Variants in NOTCH1 observed in about 807,000 individuals in gnomAD.
The protein encoded by NOTCH1 is notch receptor 1.
Under a neutral mutation model 254.8 loss-of-function variants are expected in NOTCH1, and 37 were observed. The observed-to-expected ratio is 0.15, with a 90% confidence interval of 0.11 to 0.19. The LOEUF (loss-of-function observed/expected upper bound fraction) is 0.19, where lower values mean the gene tolerates loss of function less well. Among genes scored for constraint, NOTCH1 ranks in the 10% least tolerant of loss-of-function variants. The pLI is 1.00. For missense variants in NOTCH1, 2,972 were observed against 3,708.6 expected, an observed-to-expected ratio of 0.80 and a Z score of 5.16; for synonymous variants, 1,731 against 1,618.1, an observed-to-expected ratio of 1.07 and a Z score of -1.68.
chr9:136,533,741 A>G (rs2133392131), intron 2 of NOTCH1, among the ~76,000 whole-genome samples: 1 of 152,352 alleles, frequency 6.6e-6, no homozygotes, highest in South Asian at 2.1e-4. Context: ...CTCGGTGACC[A>G]TGGGCCTACA....
In NOTCH1 at chr9:136,513,407, G is replaced by T. The variant is rs756642176; in HGVS notation, c.2338C>A (p.Arg780=). 5 of 1,612,756 alleles carry T rather than the reference G, an allele frequency of 3.1e-6. No homozygotes were observed. Among genetic ancestry groups the T allele is most frequent in the Admixed American group, 3.3e-5 (2 of 59,996 alleles). Residue 780 remains arginine (R), a synonymous_variant, in exon 14 of 34, where the codon CGG becomes AGG. Coordinates refer to ENST00000651671, the MANE Select transcript of NOTCH1 (RefSeq NM_017617.5). This position sits in a 1 kb window ranked among gnomAD's most constrained non-coding sequence, Gnocchi z 4.7. ...GCCCACTCACCGCTGAAGCCCTCCC[G>T]GCAGGTGCACACGTAGCCACTGGTC... The part of the protein sequence containing the change: ...DMTSGYVCTC[R]EGFSGPNCQT...
rs116316039 is a variant in NOTCH1 at position 136,502,430 on chromosome 9, G to A, written c.5226C>T (p.Ala1742=). The part of the protein sequence containing the change: ...AQLHFMYVAA[A]AFVLLFFVGC... ...CCACGAAGAACAGAAGCACAAAGGCGGCCGCCGCCACGTACATGAAGTGCA... is the reference window on the plus strand; with the variant it reads ...CCACGAAGAACAGAAGCACAAAGGCAGCCGCCGCCACGTACATGAAGTGCA... Residue 1742 remains alanine (A), a synonymous_variant, in exon 28 of 34, where the codon GCC becomes GCT. Transcript: ENST00000651671. 6.3e-4 allele frequency: 1,011 copies of A among 1,608,840 alleles called. 4 individuals are homozygous for A. The African/African-American group carries it at 0.011, about 18-fold the overall frequency.
intron 2 of NOTCH1, among the ~76,000 whole-genome samples, chr9:136,531,685 T>C (rs1843562870): frequency 6.6e-6 from 1 of 151,932 alleles, no homozygotes. Context: ...TCGGCACTGG[T>C]GAAAGAGGGA....
At position 136,513,686 on chromosome 9, in the gene NOTCH1, C is replaced by T. The variant is rs890139765; in HGVS notation, c.2208-149G>A. ...TCCTTTAGTGGGGGCAGGCTGGGCG[C>T]TGTGGCTCACACCTGTAATCCCAGC... On this transcript the variant is annotated intron_variant, in intron 13 of 33. Coordinates refer to ENST00000651671, the MANE Select transcript of NOTCH1 (RefSeq NM_017617.5). The surrounding 1 kb of genome is among the most constrained non-coding windows in gnomAD (Gnocchi z 4.7). 1 of 833,950 alleles carries T rather than the reference C, an allele frequency of 1.2e-6. No homozygotes were observed. The highest frequency in any genetic ancestry group is 2.1e-5 in the Admixed American group (1 of 47,532). The allele number at this position is 833,950 out of a possible 1,614,324, so 51.7% of individuals were successfully genotyped here. A position where few individuals can be genotyped will look rare whatever the true frequency, so the allele number is the denominator to read the frequency against.
In NOTCH1 at chr9:136,518,832, G is replaced by C. The variant is rs2133371734; in HGVS notation, c.866-8C>G. Reference sequence around the variant, plus strand: ...CCTCGGTACAGTACTGACCTGCAGGGAACAGGAGCTGTCGGCCCCGGGCAG... The same window carrying C: ...CCTCGGTACAGTACTGACCTGCAGGCAACAGGAGCTGTCGGCCCCGGGCAG... On this transcript the variant is annotated splice_region_variant and splice_polypyrimidine_tract_variant and intron_variant, in intron 5 of 33. Transcript: ENST00000651671. 1 of 1,611,838 alleles carries C rather than the reference G, an allele frequency of 6.2e-7. No individual in the cohort carries two copies. Among genetic ancestry groups the C allele is most frequent in the Non-Finnish European group, 8.5e-7 (1 of 1,179,194 alleles).
At chr9:136,525,291 G>C (rs527793221) in intron 2 of NOTCH1, among the ~76,000 whole-genome samples, 31 of 152,284 alleles carry the variant, frequency 2.0e-4, no homozygotes, top group African/African-American at 7.0e-4. Flanking sequence ...CCCAGGCCTG[G>C]TCTCACCTGT....
chr9:136,516,785 C>T (rs527919939), intron 9 of NOTCH1, among the ~76,000 whole-genome samples: 4 of 152,322 alleles, frequency 2.6e-5, no homozygotes, highest in East Asian at 3.9e-4. Context: ...TCCACCGCGA[C>T]CCCTGGGCAA....
At chr9:136,525,768 T>C (rs1397220406) in intron 2 of NOTCH1, among the ~76,000 whole-genome samples, 1 of 152,150 alleles carries the variant, frequency 6.6e-6, no homozygotes. Flanking sequence ...GAGGGGCTTG[T>C]GGAGGCTGGG....
intron 2 of NOTCH1, among the ~76,000 whole-genome samples, chr9:136,526,072 C>T (rs1843454694): frequency 6.6e-6 from 1 of 152,260 alleles, no homozygotes; most frequent in Admixed American, 6.5e-5. Context: ...GAGGCTCCCC[C>T]TCCTCCATCC....
chr9:136,537,528 A>G (rs1364183182), intron 2 of NOTCH1, among the ~76,000 whole-genome samples: 1 of 152,218 alleles, frequency 6.6e-6, no homozygotes, highest in East Asian at 1.9e-4. Flanking sequence ...GGAACTAGAT[A>G]GTGGTTGAAT....
intron 2 of NOTCH1, among the ~76,000 whole-genome samples, chr9:136,534,957 C>T (rs186758841): frequency 7.4e-6 from 1 of 135,228 alleles, no homozygotes; most frequent in Non-Finnish European, 1.6e-5. Context: ...ACAGAGCCCC[C>T]CAGTCCCTCC....
chr9:136,497,963 C>T (rs986771354), intron 33 of NOTCH1, among the ~76,000 whole-genome samples: 6 of 152,152 alleles, frequency 3.9e-5, no homozygotes, highest in South Asian at 2.1e-4. Context: ...GTCATCTGGA[C>T]GGCCATCAAG....
intron 2 of NOTCH1, among the ~76,000 whole-genome samples, chr9:136,527,185 A>G (rs1236999343): frequency 3.3e-5 from 5 of 152,186 alleles, no homozygotes; most frequent in African/African-American, 4.8e-5. Context: ...TCTCTCCCAC[A>G]TGGCCACAGA....
intron 17 of NOTCH1, 78 bp downstream of exon 17, chr9:136,510,575 C>T (rs766569465): frequency 6.5e-7 from 1 of 1,532,024 alleles, no homozygotes. Context: ...ATGGCCAGCA[C>T]CATGCGCACC....
In NOTCH1 at chr9:136,545,514, G is replaced by T. The variant is rs1394216590; in HGVS notation, c.61+212C>A. On this transcript the variant is annotated intron_variant, in intron 1 of 33. Coordinates refer to ENST00000651671, the MANE Select transcript of NOTCH1 (RefSeq NM_017617.5). The surrounding 1 kb of genome is among the most constrained non-coding windows in gnomAD (Gnocchi z 6.8). The stretch of plus-strand genomic sequence containing the variant: ...CCTAACTCGGCTCCAGGCACGGGCG[G>T]CGCGAGTCCGCCTCCACGGGGGGAT... 6.6e-6 allele frequency among the ~76,000 whole-genome samples: 1 copy of T among 151,972 alleles called. No homozygotes were observed. The highest frequency in any genetic ancestry group is 1.5e-5 in the Non-Finnish European group (1 of 67,942).
intron 15 of NOTCH1, among the ~76,000 whole-genome samples, chr9:136,512,382 G>C (rs1298509704): frequency 6.6e-6 from 1 of 152,192 alleles, no homozygotes; most frequent in Non-Finnish European, 1.5e-5. Flanking sequence ...CCGCTCCTGG[G>C]GAGCGCCAGG....
intron 21 of NOTCH1, 150 bp downstream of exon 21, chr9:136,507,805 C>T: frequency 2.3e-6 from 2 of 852,698 alleles, no homozygotes; most frequent in Non-Finnish European, 3.8e-6. Context: ...AGGCAGTCTA[C>T]CCTGATTACC....
chr9:136,503,787 G>A lies in NOTCH1; in HGVS notation c.5019-457C>T, dbSNP rs114991684. On this transcript the variant is annotated intron_variant, in intron 26 of 33. Coordinates refer to ENST00000651671, the MANE Select transcript of NOTCH1 (RefSeq NM_017617.5). ...CTCTGCTCCCCAGGACTGGGTTCCC[G>A]TGAGCAGGATCCCATCCAGCCTGTG... 6.1e-3 allele frequency among the ~76,000 whole-genome samples: 930 copies of A among 152,232 alleles called. 8 individuals are homozygous for A. The highest frequency in any genetic ancestry group is 0.021 in the African/African-American group (885 of 41,488).
At position 136,504,856 on chromosome 9, in the gene NOTCH1, C is replaced by A; in HGVS notation, c.4835G>T (p.Gly1612Val). Reference protein sequence around the residue: ...TNVVFKRDAHGQQMIFPYYGR... With the variant: ...TNVVFKRDAHVQQMIFPYYGR... ...GTAGTAGGGGAAGATCATCTGCTGG[C>A]CGTGTGCGTCACGCTTGAAGACCAC... Residue 1612 changes from glycine (G) to valine (V), a missense_variant, in exon 26 of 34, where the codon GGC (glycine) becomes GTC (valine). Coordinates refer to ENST00000651671, the MANE Select transcript of NOTCH1 (RefSeq NM_017617.5). 6.3e-7 allele frequency: 1 copy of A among 1,581,648 alleles called. No individual in the cohort carries two copies. Among genetic ancestry groups the A allele is most frequent in the Non-Finnish European group, 8.6e-7 (1 of 1,164,374 alleles).
Sources: allele counts gnomAD v4.1 joint callset (sites outside exome capture counted in the v4.1 genomes callset), GRCh38; gene constraint gnomAD v4.1.1; non-coding constraint Gnocchi (gnomAD v3.1); transcripts MANE v1.5; gene names NCBI Gene and HGNC (gene_info 2026-07-23, HGNC 2026-07-21).